Variants in FRMPD4 observed in about 807,000 individuals in gnomAD.
FRMPD4 encodes FERM and PDZ domain containing 4.
In FRMPD4, 22 loss-of-function variants were observed where a neutral mutation model predicts 94.1. The ratio of observed to expected loss-of-function variants is 0.23; its 90% CI spans 0.17 to 0.33. FRMPD4 has a LOEUF of 0.33. Ranked by LOEUF, FRMPD4 falls within the 10% of genes least tolerant of loss-of-function variation. The probability of loss-of-function intolerance (pLI) is 1.00; values close to 1 mark genes in which losing one functional copy is unlikely to be tolerated. For missense variants in FRMPD4, 1,111 were observed against 1,339.9 expected (o/e 0.83, Z 2.67); for synonymous variants, 631 against 548.6 (o/e 1.15, Z -2.10).
chrX:12,235,624 G>A (rs758466261), intron 1 of FRMPD4, among the ~76,000 whole-genome samples: 36 of 112,173 alleles, frequency 3.2e-4, no homozygotes, highest in Admixed American at 8.5e-4. Flanking sequence ...ATGAAAATAA[G>A]TGAAAATTAA....
At chrX:12,110,866 A>C (rs2055354052) in intron 3 of FRMPD4, among the ~76,000 whole-genome samples, 1 of 111,378 alleles carries the variant, frequency 9.0e-6, no homozygotes. Context: ...CTTACAAGGG[A>C]TGTGAAGGAC....
At chrX:12,167,078 T>A (rs1245065978) in intron 1 of FRMPD4, among the ~76,000 whole-genome samples, 3 of 111,799 alleles carry the variant, frequency 2.7e-5, no homozygotes. Flanking sequence ...CCTTAGTTAT[T>A]TCTTGCCTTT....
Position 12,034,673 on chromosome X carries a change from G to A in FRMPD4, c.95+156655G>A, listed in dbSNP as rs1390073034. ...CTTTTCGGTTTTTTTTACTGGGAAG[G>A]TACACTCAGCCACTGTCCCTGTAGT... On this transcript the variant is annotated intron_variant, in intron 3 of 18. Transcript: ENST00000640291. Among the ~76,000 whole-genome samples the A allele has an allele frequency of 2.7e-5, 3 of 111,770 alleles. No individual in the cohort carries two copies. The Admixed American group carries it at 2.9e-4, about 11-fold the overall frequency.
At chrX:11,953,224 C>T (rs1328743295) in intron 3 of FRMPD4, among the ~76,000 whole-genome samples, 1 of 111,846 alleles carries the variant, frequency 8.9e-6, no homozygotes, top group Non-Finnish European at 1.9e-5. Flanking sequence ...TTCCTTCAAG[C>T]AGCTCTATAT....
chrX:12,537,398 A>C lies in FRMPD4; in HGVS notation c.158+38602A>C, dbSNP rs182713444. Among the ~76,000 whole-genome samples the C allele has an allele frequency of 1.4e-3, 152 of 110,777 alleles. 1 individual carries two copies. Among genetic ancestry groups the C allele is most frequent in the Non-Finnish European group, 2.5e-3 (131 of 52,977 alleles). ...CAACATTATTTAAATACCTTCAAAA[A>C]TTAAAAACATTTTTATGAAGTATAT... On this transcript the variant is annotated intron_variant, in intron 2 of 16. Coordinates refer to ENST00000675598, the MANE Select transcript of FRMPD4 (RefSeq NM_001368397.1).
chrX:12,546,848 C>A (rs1014990504), intron 2 of FRMPD4, among the ~76,000 whole-genome samples: 13 of 108,114 alleles, frequency 1.2e-4, no homozygotes, highest in African/African-American at 4.1e-4. Context: ...ACCGTGTCCT[C>A]CTCCATTAAA....
At chrX:12,715,998 G>GCCGGGGGCCCCCC in intron 14 of FRMPD4, 71 bp from the exon 15 acceptor site, 1 of 383,858 alleles carries the variant, frequency 2.6e-6, no homozygotes, top group Non-Finnish European at 4.7e-6. Flanking sequence ...ACAGAGACGA[G>GCCGGGGGCCCCCC]CCTCCCACCC....
chrX:12,564,536 C>G (rs758514232), intron 2 of FRMPD4, among the ~76,000 whole-genome samples: 2 of 112,038 alleles, frequency 1.8e-5, no homozygotes, highest in South Asian at 7.5e-4. Context: ...CAAAATGACT[C>G]TGATCTCAGA....
intron 3 of FRMPD4, among the ~76,000 whole-genome samples, chrX:12,094,871 T>C (rs2055184951): frequency 8.9e-6 from 1 of 112,196 alleles, no homozygotes; most frequent in Admixed American, 9.4e-5. Flanking sequence ...TCATGTTACC[T>C]GTACGTATAA....
chrX:11,858,154 A>G (rs1244757484), intron 1 of FRMPD4, among the ~76,000 whole-genome samples: 1 of 111,859 alleles, frequency 8.9e-6, no homozygotes, highest in Non-Finnish European at 1.9e-5. Flanking sequence ...TGATTGCTCA[A>G]AGACCTAAAG....
In FRMPD4 at chrX:11,901,044, C is replaced by T. The variant is rs141500520; in HGVS notation, c.95+23026C>T. Among the ~76,000 whole-genome samples, 485 of 111,414 alleles carry T rather than the reference C, an allele frequency of 4.4e-3. 2 individuals carry two copies. Among genetic ancestry groups the T allele is most frequent in the African/African-American group, 0.015 (459 of 30,656 alleles). ...TAAAATCCCTCTAAGGTAATGTGGC[C>T]ATATTTAAGTCTCTGTGGCCATGTG... On this transcript the variant is annotated intron_variant, in intron 3 of 18. Transcript: ENST00000640291.
chrX:11,853,026 C>T (rs768427859), intron 1 of FRMPD4, among the ~76,000 whole-genome samples: 62 of 112,006 alleles, frequency 5.5e-4, no homozygotes, highest in Non-Finnish European at 9.0e-4. Flanking sequence ...TTAGCAAATG[C>T]AAAAGTACTG....
chrX:12,674,412 C>G (rs186040101), intron 4 of FRMPD4, among the ~76,000 whole-genome samples: 114 of 111,853 alleles, frequency 1.0e-3, no homozygotes, highest in African/African-American at 3.2e-3. Flanking sequence ...GTTCCATGAA[C>G]TGACAGAATT....
intron 1 of FRMPD4, among the ~76,000 whole-genome samples, chrX:12,150,738 C>T (rs1490787563): frequency 9.0e-6 from 1 of 111,563 alleles, no homozygotes; most frequent in East Asian, 2.8e-4. Flanking sequence ...AGATTCCTTT[C>T]AAAATATTAC....
At chrX:12,504,162 A>G (rs1157662568) in intron 2 of FRMPD4, among the ~76,000 whole-genome samples, 1 of 112,661 alleles carries the variant, frequency 8.9e-6, no homozygotes, top group African/African-American at 3.2e-5. Context: ...GTCTTTGTGG[A>G]AATTAACAGT....
At chrX:12,523,255 G>A (rs1261753615) in intron 2 of FRMPD4, among the ~76,000 whole-genome samples, 1 of 111,690 alleles carries the variant, frequency 9.0e-6, no homozygotes, top group Non-Finnish European at 1.9e-5. Flanking sequence ...ACAAACTGAG[G>A]TTGTTAGAAC....
chrX:12,148,813 C>T (rs1273342778), intron 1 of FRMPD4, among the ~76,000 whole-genome samples: 4 of 111,967 alleles, frequency 3.6e-5, no homozygotes, highest in African/African-American at 1.3e-4. Flanking sequence ...ACTTCTAGAG[C>T]CCTTAAGAAT....
upstream of FRMPD4, among the ~76,000 whole-genome samples, chrX:12,136,218 T>C (rs910387096): frequency 5.4e-5 from 6 of 110,519 alleles, no homozygotes; most frequent in African/African-American, 2.0e-4. Context: ...TTAAGTTCTT[T>C]CTACATCTGG....
intron 3 of FRMPD4, among the ~76,000 whole-genome samples, chrX:11,922,542 G>A (rs1245791110): frequency 8.9e-6 from 1 of 111,976 alleles, no homozygotes; most frequent in East Asian, 2.8e-4. Flanking sequence ...GCCCTGCATG[G>A]GCTACCACAC....
Sources: allele counts gnomAD v4.1 joint callset (sites outside exome capture counted in the v4.1 genomes callset), GRCh38; gene constraint gnomAD v4.1.1; transcripts MANE v1.5; gene names NCBI Gene and HGNC (gene_info 2026-07-23, HGNC 2026-07-21).